Variants in SLC12A4 observed in about 807,000 individuals in gnomAD.
SLC12A4 encodes electroneutral potassium-chloride cotransporter 1.
Under a neutral mutation model 119.2 loss-of-function variants are expected in SLC12A4, and 84 were observed. The observed-to-expected ratio is 0.70, with a 90% CI of 0.59 to 0.85. The LOEUF is 0.85. Among genes scored for constraint, SLC12A4 ranks in the 40% least tolerant of loss-of-function variants. SLC12A4 has a pLI of 0.00. For synonymous variants in SLC12A4, 599 were observed against 604.6 expected (o/e 0.99, Z 0.14); for missense variants, 1,298 against 1,476.3 (o/e 0.88, Z 1.98).
chr16:67,955,653 G>C (rs1309300339), intron 5 of SLC12A4, among the ~76,000 whole-genome samples: 1 of 151,990 alleles, frequency 6.6e-6, no homozygotes, highest in Non-Finnish European at 1.5e-5. Flanking sequence ...GGCTGAGATG[G>C]GTGGACTGCC....
rs1157846033 is a variant in SLC12A4, at chr16:67,943,529, G to A, written c.*1311C>T. 1.9e-6 allele frequency: 1 copy of A among 516,456 alleles called. No homozygotes were observed. Among genetic ancestry groups the A allele is most frequent in the East Asian group, 3.6e-5 (1 of 28,120 alleles). 32.0% of individuals were successfully genotyped at this position (516,456 alleles called of 1,614,324 possible). A position where few individuals can be genotyped will look rare whatever the true frequency, so the allele number is the denominator to read the frequency against. On this transcript the variant is annotated 3_prime_UTR_variant, in exon 24 of 24. Transcript: ENST00000316341. The surrounding 1 kb of genome is among the most constrained non-coding windows in gnomAD (Gnocchi z 4.6). The stretch of plus-strand genomic sequence containing the variant: ...CCAAGGTGGGAACAGATAGGTCTGG[G>A]GGCATGGGGGCTGGGCCTAATAGGG...
At chr16:67,947,855 G>A (rs2058370216) in intron 14 of SLC12A4, 67 bp from the exon 15 acceptor site, 2 of 1,527,128 alleles carry the variant, frequency 1.3e-6, no homozygotes, top group Non-Finnish European at 1.8e-6. Context: ...CCTGGCCCAT[G>A]CCCTGGTAGC....
At position 67,946,562 on chromosome 16, in the gene SLC12A4, C is replaced by G. The variant is rs1159720986; in HGVS notation, c.2313G>C (p.Arg771=). The stretch of plus-strand genomic sequence containing the variant: ...ACTGGATGAGGTGGGCCAGCCCCTC[C>G]CGCACCTTGCTGGCCACCACCACCT... The part of the protein sequence containing the change: ...FCQVVVASKV[R]EGLAHLIQSC... The change falls in exon 18 of 24, where the codon CGG becomes CGC. Residue 771 remains arginine, a synonymous_variant. Transcript: ENST00000316341. The G allele has an allele frequency of 6.2e-7, 1 of 1,612,630 alleles. No homozygotes were observed. Among genetic ancestry groups the G allele is most frequent in the Admixed American group, 1.7e-5 (1 of 60,028 alleles).
chr16:67,949,751 G>T lies in SLC12A4; in HGVS notation c.1748+49C>A, dbSNP rs772510851. 1.1e-5 allele frequency: 14 copies of T among 1,318,418 alleles called. No homozygotes were observed. The South Asian group carries it at 1.5e-4, about 14-fold the overall frequency. The allele number at this position is 1,318,418 out of a possible 1,614,324, so 81.7% of individuals were successfully genotyped here. ...GACGCAGCCACGGGGAGGTGCTGGG[G>T]TTCAGGAAGCCTTTCCCCATCCCCC... On this transcript the variant is annotated intron_variant, in intron 13 of 23. Transcript: ENST00000316341. This position sits in a 1 kb window ranked among gnomAD's most constrained non-coding sequence, Gnocchi z 4.6.
At position 67,946,095 on chromosome 16, in the gene SLC12A4, A is replaced by G. The variant is rs762304561; in HGVS notation, c.2608-13T>C. 1.2e-6 allele frequency: 2 copies of G among 1,613,274 alleles called. No homozygotes were observed. ...ACTTCCTCCAGACCTGAGGCAAGGG[A>G]CCAGGTGGGCGGTTTGGTCACAGCT... On this transcript the variant is annotated splice_polypyrimidine_tract_variant and intron_variant, in intron 19 of 23. Coordinates refer to ENST00000316341, the MANE Select transcript of SLC12A4 (RefSeq NM_005072.5).
In SLC12A4 at chr16:67,944,458, T is replaced by G; in HGVS notation, c.*382A>C. On this transcript the variant is annotated 3_prime_UTR_variant, in exon 24 of 24. Coordinates refer to ENST00000316341, the MANE Select transcript of SLC12A4 (RefSeq NM_005072.5). The surrounding 1 kb of genome is among the most constrained non-coding windows in gnomAD (Gnocchi z 6.6). Reference sequence around the variant, plus strand: ...CTTCCTGCAGGCAGCTGGGCTGGACTCCCTCCCTGGCTACCCTTCCCTTCG... The same window carrying G: ...CTTCCTGCAGGCAGCTGGGCTGGACGCCCTCCCTGGCTACCCTTCCCTTCG... The G allele has an allele frequency of 8.0e-7, 1 of 1,251,394 alleles. No individual in the cohort carries two copies. Among genetic ancestry groups the G allele is most frequent in the South Asian group, 2.7e-5 (1 of 36,610 alleles). 77.5% of individuals were successfully genotyped at this position (1,251,394 alleles called of 1,614,324 possible).
Position 67,947,049 on chromosome 16 carries a change from C to T in SLC12A4, c.2129G>A (p.Arg710Gln), listed in dbSNP as rs746467582. Reference sequence around the variant, plus strand: ...GAGCTGGGAGGCGAAGGTGAGGAGCCGCGGGTACTTCACGTGGAGGTCCTC... The same window carrying T: ...GAGCTGGGAGGCGAAGGTGAGGAGCTGCGGGTACTTCACGTGGAGGTCCTC... ...LDEDLHVKYP[R>Q]LLTFASQLKA... is the part of the protein sequence containing the mutation. Residue 710 changes from arginine to glutamine, a missense_variant, in exon 17 of 24, where the codon CGG becomes CAG. By Grantham distance (43) the Arg-to-Gln change is conservative. Transcript: ENST00000316341. 1.2e-5 allele frequency: 19 copies of T among 1,612,132 alleles called. No homozygotes were observed. The highest frequency in any genetic ancestry group is 1.7e-5 in the Admixed American group (1 of 59,960).
At chr16:67,952,506 G>A (rs1407809302) in intron 6 of SLC12A4, 81 bp from the exon 7 acceptor site, 2 of 1,526,198 alleles carry the variant, frequency 1.3e-6, no homozygotes, top group East Asian at 2.3e-5. Context: ...CTTTTTACGA[G>A]TACCTAAAAG....
chr16:67,944,921 G>A lies in SLC12A4; in HGVS notation c.3177C>T (p.Phe1059=). 6.2e-7 allele frequency: 1 copy of A among 1,613,398 alleles called. No individual in the cohort carries two copies. The highest frequency in any genetic ancestry group is 1.7e-5 in the Admixed American group (1 of 60,014). Residue 1059 remains phenylalanine, a synonymous_variant, in exon 24 of 24, where the codon TTC becomes TTT. Coordinates refer to ENST00000316341, the MANE Select transcript of SLC12A4 (RefSeq NM_005072.5). This position sits in a 1 kb window ranked among gnomAD's most constrained non-coding sequence, Gnocchi z 6.6. ...CAAGGCCCTCGGTCAGCACCTCGAG[G>A]AACTCCATGTCTGCAGGGCCTCAAG... is the stretch of plus-strand genomic sequence containing the variant. The part of the protein sequence containing the change: ...NSEGDENYME[F]LEVLTEGLER...
At chr16:67,956,266 A>G (rs2151332996) in intron 5 of SLC12A4, among the ~76,000 whole-genome samples, 1 of 152,352 alleles carries the variant, frequency 6.6e-6, no homozygotes, top group East Asian at 1.9e-4. Flanking sequence ...TGGGGCATGA[A>G]CAAAGATTCA....
chr16:67,952,817 G>A (rs934914593), intron 6 of SLC12A4, among the ~76,000 whole-genome samples: 8 of 151,676 alleles, frequency 5.3e-5, no homozygotes, highest in Non-Finnish European at 7.4e-5. Flanking sequence ...GGTCAGCGCC[G>A]TGGCTCACGC....
intron 3 of SLC12A4, among the ~76,000 whole-genome samples, chr16:67,958,670 C>T (rs557994801): frequency 5.9e-5 from 9 of 152,136 alleles, no homozygotes; most frequent in Admixed American, 3.3e-4. Context: ...AGTGTGCCGT[C>T]CAACTCCTTG....
Position 67,945,506 on chromosome 16 carries a change from C to T in SLC12A4, c.2895G>A (p.Leu965=). The change falls in exon 22 of 24, where the codon CTG becomes CTA. Residue 965 remains leucine, a synonymous_variant. Transcript: ENST00000316341. ...CAGACTCATCTTCCTCGTCCGAGTA[C>T]AGGCTCTCCAGCCGCAGGGCCGAGT... ...DRHSALRLES[L]YSDEEDESAV... is the part of the protein sequence containing the mutation. 2 of 1,614,048 alleles carry T rather than the reference C, an allele frequency of 1.2e-6. No homozygotes were observed. The highest frequency in any genetic ancestry group is 1.1e-5 in the South Asian group (1 of 91,088).
intron 14 of SLC12A4, 30 bp from the exon 15 acceptor site, chr16:67,947,818 C>G: frequency 6.4e-7 from 1 of 1,562,206 alleles, no homozygotes; most frequent in South Asian, 1.2e-5. Flanking sequence ...AGAGTCAGGG[C>G]AGGACCAGGA....
In SLC12A4 at chr16:67,947,680, G is replaced by A. The variant is rs760391786; in HGVS notation, c.1956C>T (p.Ile652=). Residue 652 remains isoleucine, a synonymous_variant, in exon 15 of 24, where the codon ATC becomes ATT. Transcript: ENST00000316341. ...MLIAGMIYKY[I]EYQGAEKEWG... The stretch of plus-strand genomic sequence containing the variant: ...CAGTGCTCACTCACCCTTGGTACTC[G>A]ATGTATTTGTAGATCATGCCGGCGA... 14 of 1,598,526 alleles carry A rather than the reference G, an allele frequency of 8.8e-6. No individual in the cohort carries two copies. Among genetic ancestry groups the A allele is most frequent in the South Asian group, 2.3e-5 (2 of 88,662 alleles).
chr16:67,947,279 C>G, intron 16 of SLC12A4, 52 bp downstream of exon 16: 3 of 1,571,596 alleles, frequency 1.9e-6, no homozygotes, highest in Non-Finnish European at 2.6e-6. Flanking sequence ...CTGACCCCGA[C>G]AGCGACCCCT....
chr16:67,966,839 G>C, intron 1 of SLC12A4: 1 of 1,547,484 alleles, frequency 6.5e-7, no homozygotes, highest in Non-Finnish European at 8.7e-7. Context: ...GGGAGGCAGT[G>C]GGAGGAGCTG....
At chr16:67,968,693 G>A, upstream of SLC12A4, 1 of 1,249,864 alleles carries the variant, frequency 8.0e-7, no homozygotes, top group Non-Finnish European at 1.0e-6. Flanking sequence ...CCGCCCCCCG[G>A]GCCGCCCCTC....
chr16:67,948,485 C>G (rs1176386706), intron 13 of SLC12A4, among the ~76,000 whole-genome samples: 1 of 152,222 alleles, frequency 6.6e-6, no homozygotes, highest in African/African-American at 2.4e-5. Flanking sequence ...ACATTCAGGC[C>G]TCTGGCCTGA....
Sources: allele counts gnomAD v4.1 joint callset (sites outside exome capture counted in the v4.1 genomes callset), GRCh38; gene constraint gnomAD v4.1.1; non-coding constraint Gnocchi (gnomAD v3.1); transcripts MANE v1.5; gene names NCBI Gene and HGNC (gene_info 2026-07-23, HGNC 2026-07-21).